Variants in MALRD1 observed in about 807,000 individuals in gnomAD.
The protein encoded by MALRD1 is MAM and LDL-receptor class A domain-containing protein 1.
A neutral mutation model predicts 242.1 loss-of-function variants in MALRD1; 247 were observed. The ratio of observed to expected loss-of-function variants is 1.02; its 90% confidence interval spans 0.92 to 1.13. The LOEUF (loss-of-function observed/expected upper bound fraction) is 1.13, where lower values mean the gene tolerates loss of function less well. MALRD1 is among the 50% of genes most tolerant of loss of function. MALRD1 has a pLI of 0.00. For synonymous variants in MALRD1, 995 were observed against 866.6 expected (o/e 1.15, Z -2.60); for missense variants, 2,989 against 2,533.1 (o/e 1.18, Z -3.86).
At chr10:19,607,600 A>AT (rs1564480407) in intron 34 of MALRD1, among the ~76,000 whole-genome samples, 177 bp from the exon 35 acceptor site, 2 of 152,132 alleles carry the variant, frequency 1.3e-5, no homozygotes, top group African/African-American at 2.4e-5. Context: ...TCTTTCAGAC[A>AT]TTTTTAAGTT....
intron 2 of MALRD1, among the ~76,000 whole-genome samples, chr10:19,080,315 T>G (rs551263349): frequency 1.3e-5 from 2 of 151,756 alleles, no homozygotes; most frequent in Non-Finnish European, 2.9e-5. Context: ...GCCAAGACAC[T>G]CCTAAACAAA....
chr10:19,253,994 T>G (rs1161701787), intron 18 of MALRD1, among the ~76,000 whole-genome samples: 2 of 151,918 alleles, frequency 1.3e-5, no homozygotes, highest in East Asian at 3.9e-4. Context: ...TGTCTCATTC[T>G]CTCTCCTGTC....
intron 38 of MALRD1, among the ~76,000 whole-genome samples, chr10:19,719,247 T>TAC (rs1834625262): frequency 1.1e-5 from 1 of 93,232 alleles, no homozygotes; most frequent in African/African-American, 3.6e-5. Flanking sequence ...TATATATATA[T>TAC]ATATATATAT....
rs538865986 is a variant in MALRD1 at position 19,203,004 on chromosome 10, G to T, written c.1952-724G>T. Among the ~76,000 whole-genome samples, 7 of 152,074 alleles carry T rather than the reference G, an allele frequency of 4.6e-5. No homozygotes were observed. The East Asian group carries it at 1.4e-3, about 29-fold the overall frequency. ...CCTTCCTATATGGCTGTTTGTGAAA[G>T]TTAGATATATATATTCCACACAGGG... On this transcript the variant is annotated intron_variant, in intron 14 of 39. Transcript: ENST00000454679.
intron 5 of MALRD1, among the ~76,000 whole-genome samples, chr10:19,122,961 G>A (rs543096393): frequency 2.0e-5 from 3 of 152,242 alleles, no homozygotes; most frequent in Non-Finnish European, 2.9e-5. Context: ...CCTGACCTCA[G>A]GTGATCCACC....
intron 14 of MALRD1, among the ~76,000 whole-genome samples, chr10:19,182,485 C>T (rs1395091072): frequency 1.4e-5 from 2 of 139,674 alleles, no homozygotes; most frequent in Non-Finnish European, 3.2e-5. Flanking sequence ...CCATCACGCC[C>T]GGCTAATTTT....
intron 38 of MALRD1, among the ~76,000 whole-genome samples, chr10:19,696,948 C>G (rs1320518904): frequency 6.6e-6 from 1 of 151,984 alleles, no homozygotes; most frequent in Non-Finnish European, 1.5e-5. Context: ...ATTAGTAATT[C>G]TTTAATTATT....
At chr10:19,689,493 C>T (rs998700396) in intron 36 of MALRD1, among the ~76,000 whole-genome samples, 1 of 151,852 alleles carries the variant, frequency 6.6e-6, no homozygotes, top group African/African-American at 2.4e-5. Flanking sequence ...AAATGCACTC[C>T]CTTTTGGATT....
rs1264301295 is a variant in MALRD1, at chr10:19,308,442, A to G, written c.3420-15507A>G. Among the ~76,000 whole-genome samples, 3 of 151,684 alleles carry G rather than the reference A, an allele frequency of 2.0e-5. No homozygotes were observed. The East Asian group carries it at 5.8e-4, about 30-fold the overall frequency. On this transcript the variant is annotated intron_variant, in intron 21 of 39. Coordinates refer to ENST00000454679, the MANE Select transcript of MALRD1 (RefSeq NM_001142308.3). ...CTTCTTTATATCCAGAAATAGAAAAAGAAGTAATAGACTAGGGAAAGATTA... is the reference window on the plus strand; with the variant it reads ...CTTCTTTATATCCAGAAATAGAAAAGGAAGTAATAGACTAGGGAAAGATTA...
rs1462836716 is a variant in MALRD1, at chr10:19,615,904, A to G, written c.6118A>G (p.Lys2040Glu). 2.6e-6 allele frequency: 4 copies of G among 1,530,120 alleles called. No homozygotes were observed. The highest frequency in any genetic ancestry group is 2.6e-6 in the Non-Finnish European group (3 of 1,143,382). 94.8% of individuals were successfully genotyped at this position (1,530,120 alleles called of 1,614,324 possible). The change falls in exon 36 of 40, where the codon AAA becomes GAA. Residue 2040 changes from lysine to glutamate, a missense_variant. Physicochemically the swap from Lys to Glu is moderately conservative, Grantham distance 56. Transcript: ENST00000454679. The part of the protein sequence containing the change: ...CRNGGTCVVE[K>E]NGPMCRCRQG... ...AAATGGTGGGACTTGTGTAGTGGAG[A>G]AAAATGGTCCTATGTGTCGGTAAGA...
At chr10:19,236,086 C>T (rs1245745998) in intron 18 of MALRD1, among the ~76,000 whole-genome samples, 1 of 152,088 alleles carries the variant, frequency 6.6e-6, no homozygotes, top group Non-Finnish European at 1.5e-5. Context: ...GGTGACTACT[C>T]GAGGAGTTCA....
At chr10:19,572,047 C>T (rs567683088) in intron 33 of MALRD1, among the ~76,000 whole-genome samples, 7 of 152,244 alleles carry the variant, frequency 4.6e-5, no homozygotes, top group African/African-American at 1.7e-4. Context: ...ATTTGTCACC[C>T]CAAGTTACCT....
intron 21 of MALRD1, among the ~76,000 whole-genome samples, chr10:19,287,276 C>T (rs1564531378): frequency 6.6e-6 from 1 of 151,966 alleles, no homozygotes. Context: ...GGTGCTAGTC[C>T]ATATTTATAA....
chr10:19,293,729 G>A (rs186635476), intron 21 of MALRD1, among the ~76,000 whole-genome samples: 59 of 152,190 alleles, frequency 3.9e-4, no homozygotes, highest in Admixed American at 7.2e-4. Flanking sequence ...GCAAAGAAGG[G>A]AACAACAAAC....
chr10:19,314,814 CA>C (rs1842572672), intron 21 of MALRD1, among the ~76,000 whole-genome samples: 1 of 151,138 alleles, frequency 6.6e-6, no homozygotes, highest in African/African-American at 2.4e-5. Context: ...AGATCTTTAC[CA>C]AAAAAATTTC....
chr10:19,265,175 T>C (rs541274085), intron 19 of MALRD1, among the ~76,000 whole-genome samples: 1 of 152,160 alleles, frequency 6.6e-6, no homozygotes, highest in East Asian at 1.9e-4. Context: ...AAAAAATTAA[T>C]TTTGAGTTTC....
Position 19,590,446 on chromosome 10 carries a change from T to C in MALRD1, c.5681-4748T>C, listed in dbSNP as rs533261590. ...AGATATCTATCTATAGATCTATCTA[T>C]AGATCTGTCCTATGCCTTTGCAGGG... On this transcript the variant is annotated intron_variant, in intron 33 of 39. Coordinates refer to ENST00000454679, the MANE Select transcript of MALRD1 (RefSeq NM_001142308.3). 2.0e-5 allele frequency among the ~76,000 whole-genome samples: 3 copies of C among 150,484 alleles called. No individual in the cohort carries two copies. The South Asian group carries it at 6.2e-4, about 31-fold the overall frequency.
At chr10:19,510,618 G>T (rs61841376) in intron 31 of MALRD1, among the ~76,000 whole-genome samples, 3 of 151,600 alleles carry the variant, frequency 2.0e-5, no homozygotes, top group Admixed American at 2.0e-4. Context: ...ATGTTTCTGC[G>T]AGCACAGGGT....
At chr10:19,060,790 CA>C (rs1416372107) in intron 1 of MALRD1, among the ~76,000 whole-genome samples, 1 of 152,140 alleles carries the variant, frequency 6.6e-6, no homozygotes, top group East Asian at 1.9e-4. Context: ...GGTTTGTCAG[CA>C]AAGTTATCTA....
Sources: allele counts gnomAD v4.1 joint callset (sites outside exome capture counted in the v4.1 genomes callset), GRCh38; gene constraint gnomAD v4.1.1; transcripts MANE v1.5; gene names NCBI Gene and HGNC (gene_info 2026-07-23, HGNC 2026-07-21).